STXBP5: variants seen among roughly 807,000 people sequenced by gnomAD.
The protein encoded by STXBP5 is syntaxin-binding protein 5.
In STXBP5, 50 loss-of-function variants were observed where a neutral mutation model predicts 152.4. That is an observed-to-expected ratio of 0.33 (90% CI 0.26 to 0.42). STXBP5 has a LOEUF of 0.42. STXBP5 is among the 10% of genes least tolerant of loss of function. STXBP5 has a pLI of 1.00. For synonymous variants in STXBP5, 492 were observed against 494.7 expected (o/e 0.99, Z 0.07); for missense variants, 1,167 against 1,388.6 (o/e 0.84, Z 2.54).
intron 4 of STXBP5, among the ~76,000 whole-genome samples, chr6:147,258,486 T>C (rs1464447358): frequency 6.6e-6 from 1 of 152,136 alleles, no homozygotes; most frequent in African/African-American, 2.4e-5. Context: ...CAGGCTGGAG[T>C]GCAGTGAGTG....
At chr6:147,328,685 A>T (rs914558319) in intron 18 of STXBP5, 12 of 468,406 alleles carry the variant, frequency 2.6e-5, no homozygotes, top group South Asian at 1.9e-4. Context: ...TCCGCTTTTC[A>T]TTGCTTCACT....
chr6:147,314,085 T>G (rs1782516140), intron 12 of STXBP5, 54 bp downstream of exon 12: 1 of 1,518,980 alleles, frequency 6.6e-7, no homozygotes, highest in African/African-American at 1.4e-5. Context: ...TATTCTATAT[T>G]TATCACCTTG....
In STXBP5 at chr6:147,204,725, TG is replaced by T. The variant is rs1416695122; in HGVS notation, c.150+47del. On this transcript the variant is annotated intron_variant, in intron 1 of 27. Transcript: ENST00000321680. This position sits in a 1 kb window ranked among gnomAD's most constrained non-coding sequence, Gnocchi z 4.3. ...CCCCGCGACACCGTCATTGAAAAAT[TG>T]GGGTTGTTTTAAGGGGGCTACTCGG... The T allele has an allele frequency of 1.3e-6, 2 of 1,518,714 alleles. No individual in the cohort carries two copies. Among genetic ancestry groups the T allele is most frequent in the Non-Finnish European group, 1.8e-6 (2 of 1,130,696 alleles). The allele number at this position is 1,518,714 out of a possible 1,614,324, so 94.1% of individuals were successfully genotyped here.
At chr6:147,248,235 C>A (rs192636482) in intron 4 of STXBP5, among the ~76,000 whole-genome samples, 1 of 147,878 alleles carries the variant, frequency 6.8e-6, no homozygotes, top group Admixed American at 6.8e-5. Context: ...GAGGTGAGAT[C>A]ACACCACTGC....
chr6:147,292,494 A>G (rs1193435511), intron 9 of STXBP5: 4 of 206,300 alleles, frequency 1.9e-5, no homozygotes, highest in Non-Finnish European at 2.9e-5. Context: ...AGTTTCTGGT[A>G]TATAATAAAC....
intron 16 of STXBP5, among the ~76,000 whole-genome samples, chr6:147,318,366 G>A (rs1782747551): frequency 6.6e-6 from 1 of 152,064 alleles, no homozygotes; most frequent in South Asian, 2.1e-4. Context: ...TTTACTGACT[G>A]AAAGAGCAAG....
chr6:147,208,315 A>T (rs778656649), intron 2 of STXBP5, among the ~76,000 whole-genome samples: 19 of 152,254 alleles, frequency 1.2e-4, no homozygotes, highest in Non-Finnish European at 2.5e-4. Flanking sequence ...AGATGAGCTT[A>T]TGAGCTTTAT....
At chr6:147,295,059 C>T (rs1301026276) in intron 9 of STXBP5, among the ~76,000 whole-genome samples, 1 of 152,122 alleles carries the variant, frequency 6.6e-6, no homozygotes, top group Non-Finnish European at 1.5e-5. Context: ...CTTAATAAAA[C>T]AGAGACAATA....
intron 4 of STXBP5, among the ~76,000 whole-genome samples, chr6:147,251,077 A>G (rs560137874): frequency 1.5e-4 from 23 of 152,102 alleles, no homozygotes; most frequent in East Asian, 1.9e-4. Context: ...TGCATTTCCA[A>G]CGGAGGTACC....
At chr6:147,225,790 G>A (rs1042308725) in intron 2 of STXBP5, among the ~76,000 whole-genome samples, 7 of 151,788 alleles carry the variant, frequency 4.6e-5, no homozygotes, top group Non-Finnish European at 8.8e-5. Flanking sequence ...AATCCCACAG[G>A]GAAAAATAAG....
intron 18 of STXBP5, among the ~76,000 whole-genome samples, chr6:147,331,091 G>T (rs540460310): frequency 6.6e-6 from 1 of 152,262 alleles, no homozygotes; most frequent in South Asian, 2.1e-4. Context: ...TTGATGTAGT[G>T]TGCCTCAGTT....
chr6:147,240,416 T>C (rs1210328173), intron 4 of STXBP5, among the ~76,000 whole-genome samples: 1 of 152,194 alleles, frequency 6.6e-6, no homozygotes, highest in African/African-American at 2.4e-5. Context: ...ATAATATTTA[T>C]GTAGTTAGCA....
At chr6:147,341,360 G>T (rs1474608882) in intron 21 of STXBP5, among the ~76,000 whole-genome samples, 1 of 152,186 alleles carries the variant, frequency 6.6e-6, no homozygotes, top group Non-Finnish European at 1.5e-5. Flanking sequence ...GCATGAAGCT[G>T]TGGTGTCAAA....
chr6:147,354,483 T>C (rs1487433165), intron 22 of STXBP5, among the ~76,000 whole-genome samples: 3 of 151,202 alleles, frequency 2.0e-5, no homozygotes, highest in Non-Finnish European at 4.4e-5. Context: ...AAAACAGGTA[T>C]AATTTGAAAA....
chr6:147,303,100 A>G (rs1433257838), intron 9 of STXBP5, among the ~76,000 whole-genome samples: 1 of 152,176 alleles, frequency 6.6e-6, no homozygotes, highest in East Asian at 1.9e-4. Context: ...AGTATAAAAT[A>G]TACCAATTTC....
chr6:147,207,946 C>G (rs1374444565), intron 2 of STXBP5, among the ~76,000 whole-genome samples: 5 of 152,118 alleles, frequency 3.3e-5, no homozygotes, highest in African/African-American at 4.8e-5. Context: ...CACTTTTACC[C>G]TAATGCATTT....
intron 9 of STXBP5, among the ~76,000 whole-genome samples, chr6:147,299,852 T>C (rs2128360616): frequency 6.6e-6 from 1 of 152,130 alleles, no homozygotes; most frequent in South Asian, 2.1e-4. Context: ...CCATCCAGAT[T>C]GGAAAGGAGA....
At chr6:147,290,839 C>T (rs1257230468) in intron 8 of STXBP5, among the ~76,000 whole-genome samples, 1 of 152,162 alleles carries the variant, frequency 6.6e-6, no homozygotes, top group Non-Finnish European at 1.5e-5. Context: ...TCAGTTTCTC[C>T]TGCTAGAATT....
chr6:147,301,462 T>C (rs1009580792), intron 9 of STXBP5, among the ~76,000 whole-genome samples: 1 of 152,182 alleles, frequency 6.6e-6, no homozygotes, highest in Non-Finnish European at 1.5e-5. Context: ...CTATGGACTT[T>C]TACAATTTGA....
Sources: allele counts gnomAD v4.1 joint callset (sites outside exome capture counted in the v4.1 genomes callset), GRCh38; gene constraint gnomAD v4.1.1; non-coding constraint Gnocchi (gnomAD v3.1); transcripts MANE v1.5; gene names NCBI Gene and HGNC (gene_info 2026-07-23, HGNC 2026-07-21).